BMF: variants seen among roughly 807,000 people sequenced by gnomAD.
BMF encodes the protein Bcl2 modifying factor.
In BMF, 10 loss-of-function variants were observed where a neutral mutation model predicts 22.0. That is an observed-to-expected ratio of 0.45 (90% confidence interval 0.28 to 0.77). The LOEUF (loss-of-function observed/expected upper bound fraction) is 0.77, where lower values mean the gene tolerates loss of function less well. Ranked by LOEUF, BMF falls within the 30% of genes least tolerant of loss-of-function variation. BMF has a pLI of 0.13. For synonymous variants in BMF, 87 were observed against 88.1 expected, an observed-to-expected ratio of 0.99 and a Z score of 0.07; for missense variants, 206 against 226.8, an observed-to-expected ratio of 0.91 and a Z score of 0.59.
chr15:40,092,355 A>G (rs904992614), intron 4 of BMF, among the ~76,000 whole-genome samples: 3 of 152,170 alleles, frequency 2.0e-5, no homozygotes, highest in African/African-American at 4.8e-5. Context: ...AAGTGATTTG[A>G]CACTGTGAAG....
rs377255074 is a variant in BMF, at chr15:40,097,405, T to C, written c.454-5517A>G. ...AACTTGGTTCTCAATTGTTTTACAA[T>C]ATAATGGGGAGAAGAGCAAGAGCAC... is the stretch of plus-strand genomic sequence containing the variant. On this transcript the variant is annotated intron_variant, in intron 4 of 4. Transcript: ENST00000354670. 1.6e-4 allele frequency among the ~76,000 whole-genome samples: 25 copies of C among 152,188 alleles called. No individual in the cohort carries two copies. The East Asian group carries it at 2.5e-3, about 15-fold the overall frequency.
At chr15:40,093,192 C>G (rs2036281173) in intron 4 of BMF, among the ~76,000 whole-genome samples, 1 of 152,226 alleles carries the variant, frequency 6.6e-6, no homozygotes, top group Admixed American at 6.5e-5. Context: ...TTGCTGGCTT[C>G]CCCTTCACGC....
intron 2 of BMF, among the ~76,000 whole-genome samples, chr15:40,107,060 A>G (rs947914422): frequency 1.3e-5 from 2 of 152,192 alleles, no homozygotes; most frequent in Non-Finnish European, 2.9e-5. Context: ...TCTTGGTGAT[A>G]AAGAAGTTCC....
intron 4 of BMF, among the ~76,000 whole-genome samples, chr15:40,099,199 T>G (rs534523447): frequency 1.3e-5 from 2 of 152,078 alleles, no homozygotes; most frequent in Admixed American, 6.5e-5. Flanking sequence ...AGAAAACCAC[T>G]CACTAATAAC....
At chr15:40,101,169 G>A (rs2036468829) in intron 4 of BMF, among the ~76,000 whole-genome samples, 1 of 152,234 alleles carries the variant, frequency 6.6e-6, no homozygotes, top group Non-Finnish European at 1.5e-5. Flanking sequence ...TTCAGGGGAG[G>A]CAGCTCTGCT....
chr15:40,102,917 G>A (rs1367997807), intron 4 of BMF, among the ~76,000 whole-genome samples: 1 of 152,186 alleles, frequency 6.6e-6, no homozygotes, highest in Non-Finnish European at 1.5e-5. Context: ...TCTAAGCATA[G>A]GGCCACCCTC....
intron 3 of BMF, among the ~76,000 whole-genome samples, chr15:40,104,860 A>T (rs1026578537): frequency 1.3e-5 from 2 of 152,100 alleles, no homozygotes; most frequent in Non-Finnish European, 1.5e-5. Flanking sequence ...GGGAGAGAAA[A>T]CTGAGACGCA....
Position 40,105,890 on chromosome 15 carries a change from T to C in BMF, c.197A>G (p.Glu66Gly), listed in dbSNP as rs2036578013. Residue 66 changes from glutamate (E) to glycine (G), a missense_variant, in exon 3 of 5, where the codon GAA becomes GGA. Coordinates refer to ENST00000354670, the MANE Select transcript of BMF (RefSeq NM_001003940.2). Reference protein sequence around the residue: ...CGPGLRPTSQEDKATQTLSPA... With the variant: ...CGPGLRPTSQGDKATQTLSPA... ...GCTGAGAGTCTGGGTAGCTTTGTCT[T>C]CCTGGCTGGTGGGTCGAAGGCCAGG... The C allele has an allele frequency of 6.2e-6, 10 of 1,614,032 alleles. No individual in the cohort carries two copies. The highest frequency in any genetic ancestry group is 8.5e-6 in the Non-Finnish European group (10 of 1,180,036).
chr15:40,104,028 C>T, intron 4 of BMF, 152 bp downstream of exon 4: 1 of 981,558 alleles, frequency 1.0e-6, no homozygotes, highest in South Asian at 1.5e-5. Context: ...CAGTTAGGCC[C>T]CTCCTGCCCA....
chr15:40,106,468 G>C lies in BMF; in HGVS notation c.-5-377C>G, dbSNP rs1031050541. 1 of 179,574 alleles carries C rather than the reference G, an allele frequency of 5.6e-6. No individual in the cohort carries two copies. Among genetic ancestry groups the C allele is most frequent in the Non-Finnish European group, 1.2e-5 (1 of 85,362 alleles). The allele number at this position is 179,574 out of a possible 1,614,324, so 11.1% of individuals were successfully genotyped here. A position where few individuals can be genotyped will look rare whatever the true frequency, so the allele number is the denominator to read the frequency against. On this transcript the variant is annotated intron_variant, in intron 2 of 4. Coordinates refer to ENST00000354670, the MANE Select transcript of BMF (RefSeq NM_001003940.2). This position sits in a 1 kb window ranked among gnomAD's most constrained non-coding sequence, Gnocchi z 4.1. ...GAAAATATAAACAAGACTAGCCTCT[G>C]TAAGTTGCTGTCAAGGGTGCTGTGA...
At chr15:40,094,955 A>G (rs888948095) in intron 4 of BMF, among the ~76,000 whole-genome samples, 4 of 152,200 alleles carry the variant, frequency 2.6e-5, no homozygotes, top group African/African-American at 7.2e-5. Flanking sequence ...CCAGAGGTCA[A>G]TCCTGCCCAG....
At chr15:40,100,868 G>C (rs2036461915) in intron 4 of BMF, among the ~76,000 whole-genome samples, 1 of 152,170 alleles carries the variant, frequency 6.6e-6, no homozygotes, top group Non-Finnish European at 1.5e-5. Flanking sequence ...AAAAAAACGA[G>C]TAACTCAGGT....
intron 4 of BMF, among the ~76,000 whole-genome samples, chr15:40,102,416 CAAAAA>C (rs71132141): frequency 0.19 from 18,517 of 95,910 alleles, 1,544 homozygotes; most frequent in Non-Finnish European, 0.24. Context: ...GCGAAAGAGC[CAAAAA>C]AAAAAAAAAA....
In BMF at chr15:40,105,812, G is replaced by A; in HGVS notation, c.275C>T (p.Pro92Leu). The change falls in exon 3 of 5, where the codon CCC (proline) becomes CTC (leucine). Residue 92 changes from proline to leucine, a missense_variant. Coordinates refer to ENST00000354670, the MANE Select transcript of BMF (RefSeq NM_001003940.2). ...VMLPCGVTEE[P>L]QRLFYGNAGY... ...GCACTCACCATAAAAGAGTCGCTGGGGTTCCTCAGTCACCCCACAAGGCAG... is the reference window on the plus strand; with the variant it reads ...GCACTCACCATAAAAGAGTCGCTGGAGTTCCTCAGTCACCCCACAAGGCAG... 1.9e-6 allele frequency: 3 copies of A among 1,610,230 alleles called. No homozygotes were observed. The highest frequency in any genetic ancestry group is 2.5e-6 in the Non-Finnish European group (3 of 1,177,830).
At chr15:40,108,219 A>AC (rs2036626202) in intron 2 of BMF, 40 bp downstream of exon 2, 2 of 145,034 alleles carry the variant, frequency 1.4e-5, no homozygotes, top group African/African-American at 2.6e-5. Context: ...AGTGACTAGG[A>AC]ACACACACAC....
chr15:40,098,123 T>C (rs764715093), intron 4 of BMF, among the ~76,000 whole-genome samples: 19 of 152,204 alleles, frequency 1.2e-4, no homozygotes, highest in Non-Finnish European at 2.8e-4. Flanking sequence ...TAACAGGACA[T>C]TGAAGCCACC....
chr15:40,106,735 G>T lies in BMF; in HGVS notation c.-5-644C>A, dbSNP rs1209912914. ...TTGCACAACACAACAAACAGGCTCT[G>T]CAGTGTGGTAAGAATGTGTCCTGGG... On this transcript the variant is annotated intron_variant, in intron 2 of 4. Coordinates refer to ENST00000354670, the MANE Select transcript of BMF (RefSeq NM_001003940.2). The surrounding 1 kb of genome is among the most constrained non-coding windows in gnomAD (Gnocchi z 4.1). 2 of 152,372 alleles carry T rather than the reference G, an allele frequency of 1.3e-5. No individual in the cohort carries two copies. Among genetic ancestry groups the T allele is most frequent in the African/African-American group, 4.8e-5 (2 of 41,454 alleles). 9.4% of individuals were successfully genotyped at this position (152,372 alleles called of 1,614,324 possible).
rs367935395 is a variant in BMF at position 40,106,180 on chromosome 15, C to G, written c.-5-89G>C. 7.0e-7 allele frequency: 1 copy of G among 1,421,812 alleles called. No homozygotes were observed. Among genetic ancestry groups the G allele is most frequent in the African/African-American group, 1.4e-5 (1 of 69,756 alleles). 88.1% of individuals were successfully genotyped at this position (1,421,812 alleles called of 1,614,324 possible). On this transcript the variant is annotated intron_variant, in intron 2 of 4. Transcript: ENST00000354670. The surrounding 1 kb of genome is among the most constrained non-coding windows in gnomAD (Gnocchi z 4.1). ...CCCTTCCCTTCTTCCTACCATACTCCCCCTTCTTATTTGAGCTGGCCGGAC... is the reference window on the plus strand; with the variant it reads ...CCCTTCCCTTCTTCCTACCATACTCGCCCTTCTTATTTGAGCTGGCCGGAC...
At chr15:40,101,019 G>A (rs947438660) in intron 4 of BMF, among the ~76,000 whole-genome samples, 2 of 152,192 alleles carry the variant, frequency 1.3e-5, no homozygotes, top group Non-Finnish European at 2.9e-5. Flanking sequence ...TGCCTCTAGG[G>A]TTGCTTTTCT....
Sources: gnomAD v4.1 joint callset for allele counts (sites outside exome capture counted in the v4.1 genomes callset) on GRCh38, gnomAD v4.1.1 for gene constraint, Gnocchi (gnomAD v3.1) non-coding constraint, MANE v1.5 for transcripts, NCBI Gene and HGNC (gene_info 2026-07-23, HGNC 2026-07-21) for gene names.